Variants in DACH1 observed in about 807,000 individuals in gnomAD.
DACH1 encodes the protein dachshund homolog 1.
A neutral mutation model predicts 54.2 loss-of-function variants in DACH1; 12 were observed. The ratio of observed to expected loss-of-function variants is 0.22; its 90% CI spans 0.14 to 0.36. The LOEUF (loss-of-function observed/expected upper bound fraction) is 0.36. Among genes scored for constraint, DACH1 ranks in the 10% least tolerant of loss-of-function variants. DACH1 has a pLI of 1.00. For synonymous variants in DACH1, 386 were observed against 366.2 expected (o/e 1.05, Z -0.62); for missense variants, 805 against 929.8 (o/e 0.87, Z 1.75).
chr13:71,775,907 G>A (rs1246018331), intron 1 of DACH1, among the ~76,000 whole-genome samples: 1 of 152,076 alleles, frequency 6.6e-6, no homozygotes. Flanking sequence ...CTTATTTGAA[G>A]TTATGATCCT....
chr13:71,782,824 T>C (rs1886440302), intron 1 of DACH1, among the ~76,000 whole-genome samples: 1 of 152,214 alleles, frequency 6.6e-6, no homozygotes, highest in Non-Finnish European at 1.5e-5. Flanking sequence ...TAGGTATTAT[T>C]GCAGGCTAAT....
In DACH1 at chr13:71,692,032, CACACACACACACACAG is replaced by C. The variant is rs1198531884; in HGVS notation, c.849-10138_849-10123del. On this transcript the variant is annotated intron_variant, in intron 1 of 10. Transcript: ENST00000613252. ...CATTACACACACACACACACACACACACACACACACACACAGACACACACATACACTTCTGTAATGA... is the reference window on the plus strand; with the variant it reads ...CATTACACACACACACACACACACACACACACACATACACTTCTGTAATGA... Among the ~76,000 whole-genome samples the C allele has an allele frequency of 1.3e-4, 20 of 151,812 alleles. 1 individual carries two copies. The South Asian group carries it at 4.2e-3, about 32-fold the overall frequency.
chr13:71,809,057 A>T (rs1296301318), intron 1 of DACH1, among the ~76,000 whole-genome samples: 1 of 152,192 alleles, frequency 6.6e-6, no homozygotes. Flanking sequence ...TCAATAGGGG[A>T]GGAATAAAAT....
chr13:71,680,862 A>G (rs7989101), intron 2 of DACH1, among the ~76,000 whole-genome samples: 11,046 of 152,114 alleles, frequency 0.073, 753 homozygotes, highest in East Asian at 0.21. Flanking sequence ...ATCAGAGCAC[A>G]CAGAAAGACA....
chr13:71,866,335 A>ACTG lies in DACH1; in HGVS notation c.432_434dup (p.Ser163dup), dbSNP rs752226499. 1.1e-3 allele frequency: 1,623 copies of ACTG among 1,510,060 alleles called. 2 individuals carry two copies. Among genetic ancestry groups the ACTG allele is most frequent in the Non-Finnish European group, 8.6e-4 (967 of 1,119,680 alleles). The allele number at this position is 1,510,060 out of a possible 1,614,324, so 93.5% of individuals were successfully genotyped here. A position where few individuals can be genotyped will look rare whatever the true frequency, so the allele number is the denominator to read the frequency against. ...TACTGCTGCTGCTGCTGCTGCTGCT[A>ACTG]CTGCTGCTGCTGCTGCTGCCGGTGC... is the stretch of plus-strand genomic sequence containing the variant. On this transcript the variant is annotated inframe_insertion, in exon 1 of 11. Transcript: ENST00000613252.
intron 10 of DACH1, among the ~76,000 whole-genome samples, chr13:71,465,518 T>G (rs1223044141): frequency 6.6e-6 from 1 of 152,114 alleles, no homozygotes; most frequent in African/African-American, 2.4e-5. Context: ...ATATGAACTA[T>G]TAGAGTTAGT....
chr13:71,813,910 T>G (rs1362286829), intron 1 of DACH1, among the ~76,000 whole-genome samples: 1 of 152,130 alleles, frequency 6.6e-6, no homozygotes, highest in African/African-American at 2.4e-5. Flanking sequence ...AAATGCCAAT[T>G]TGGGGGCAAA....
chr13:71,806,655 T>C (rs1887518329), intron 1 of DACH1, among the ~76,000 whole-genome samples: 1 of 152,174 alleles, frequency 6.6e-6, no homozygotes, highest in Non-Finnish European at 1.5e-5. Flanking sequence ...GTGTTACATA[T>C]TATGAAGAAT....
intron 1 of DACH1, among the ~76,000 whole-genome samples, chr13:71,715,007 G>A (rs1416004253): frequency 1.3e-5 from 2 of 152,184 alleles, no homozygotes; most frequent in African/African-American, 4.8e-5. Context: ...TAACAGGTAA[G>A]TAAAATATCT....
intron 4 of DACH1, among the ~76,000 whole-genome samples, chr13:71,561,371 A>C (rs1472697309): frequency 1.3e-5 from 2 of 152,188 alleles, no homozygotes; most frequent in African/African-American, 2.4e-5. Context: ...AGATGAGAAC[A>C]TACTGGATTA....
chr13:71,865,785 G>A lies in DACH1; in HGVS notation c.848+137C>T, dbSNP rs953832802. On this transcript the variant is annotated intron_variant, in intron 1 of 10. Transcript: ENST00000613252. The stretch of plus-strand genomic sequence containing the variant: ...GCGCGGCTGGCGAGCCCCGAGCAGG[G>A]AGAGGAGAGGGCCGCGCTCGCCGGG... 3.1e-6 allele frequency: 4 copies of A among 1,276,994 alleles called. No homozygotes were observed. In the South Asian group the frequency reaches 7.5e-5, roughly 24 times the overall value. The allele number at this position is 1,276,994 out of a possible 1,614,324, so 79.1% of individuals were successfully genotyped here. A position where few individuals can be genotyped will look rare whatever the true frequency, so the allele number is the denominator to read the frequency against.
At chr13:71,728,473 A>G (rs908417982) in intron 1 of DACH1, among the ~76,000 whole-genome samples, 1 of 152,018 alleles carries the variant, frequency 6.6e-6, no homozygotes, top group Non-Finnish European at 1.5e-5. Context: ...AAATATTTTC[A>G]CTTTACAAAA....
chr13:71,866,345 CTGCTGCTGCCGG>C lies in DACH1; in HGVS notation c.413_424del (p.Thr138_Ser141del). On this transcript the variant is annotated inframe_deletion, in exon 1 of 11. Transcript: ENST00000613252. ...GCTGCTGCTGCTGCTACTGCTGCTG[CTGCTGCTGCCGG>C]TGCTGGCGTTGATGGGGGTGCTGGA... The C allele has an allele frequency of 1.3e-6, 2 of 1,534,864 alleles. No homozygotes were observed. Among genetic ancestry groups the C allele is most frequent in the Non-Finnish European group, 1.8e-6 (2 of 1,141,102 alleles).
intron 10 of DACH1, among the ~76,000 whole-genome samples, chr13:71,441,290 T>G (rs950900559): frequency 6.6e-6 from 1 of 152,044 alleles, no homozygotes; most frequent in African/African-American, 2.4e-5. Context: ...CAACTTTTAC[T>G]AATGAGCAAA....
intron 6 of DACH1, among the ~76,000 whole-genome samples, chr13:71,552,514 T>C (rs1883879857): frequency 6.6e-6 from 1 of 151,530 alleles, no homozygotes; most frequent in Admixed American, 6.6e-5. Context: ...GTAGCAGCAA[T>C]TTAAGAAAAA....
At chr13:71,693,115 G>A (rs2138728564) in intron 1 of DACH1, among the ~76,000 whole-genome samples, 1 of 151,890 alleles carries the variant, frequency 6.6e-6, no homozygotes, top group East Asian at 1.9e-4. Context: ...AGAAATTATA[G>A]CAAACCAGCA....
At chr13:71,792,714 A>T (rs1442833293) in intron 1 of DACH1, among the ~76,000 whole-genome samples, 1 of 152,200 alleles carries the variant, frequency 6.6e-6, no homozygotes, top group African/African-American at 2.4e-5. Context: ...ATATACTCTT[A>T]GTGGTGGCTG....
At chr13:71,525,762 C>T (rs1881910749) in intron 6 of DACH1, among the ~76,000 whole-genome samples, 1 of 151,964 alleles carries the variant, frequency 6.6e-6, no homozygotes, top group Admixed American at 6.6e-5. Flanking sequence ...TTAAGCTTAT[C>T]AAAAACTTTA....
At chr13:71,483,284 C>T (rs1299777538) in intron 7 of DACH1, among the ~76,000 whole-genome samples, 1 of 149,390 alleles carries the variant, frequency 6.7e-6, no homozygotes, top group Non-Finnish European at 1.5e-5. Flanking sequence ...TATTAGCTTC[C>T]CCATATTTTG....
Sources: allele counts gnomAD v4.1 joint callset (sites outside exome capture counted in the v4.1 genomes callset), GRCh38; gene constraint gnomAD v4.1.1; transcripts MANE v1.5; gene names NCBI Gene and HGNC (gene_info 2026-07-23, HGNC 2026-07-21).